The following ADGRB3 variants were observed in gnomAD, a reference collection of about 807,000 sequenced individuals.
The protein encoded by ADGRB3 is brain-specific angiogenesis inhibitor 3.
A neutral mutation model predicts 193.4 loss-of-function variants in ADGRB3; 37 were observed. The ratio of observed to expected loss-of-function variants is 0.19; its 90% CI spans 0.15 to 0.25. The LOEUF (loss-of-function observed/expected upper bound fraction) is 0.25. Among genes scored for constraint, ADGRB3 ranks in the 10% least tolerant of loss-of-function variants. The probability of loss-of-function intolerance (pLI) is 1.00; values close to 1 mark genes in which losing one functional copy is unlikely to be tolerated. For missense variants in ADGRB3, 1,637 were observed against 1,852.9 expected (o/e 0.88, Z 2.14); for synonymous variants, 690 against 644.2 (o/e 1.07, Z -1.08).
intron 8 of ADGRB3, among the ~76,000 whole-genome samples, chr6:68,972,960 G>T (rs1768630578): frequency 6.6e-6 from 1 of 152,184 alleles, no homozygotes; most frequent in African/African-American, 2.4e-5. Context: ...TAGATCATTG[G>T]TAAGGTTAGG....
At chr6:69,202,519 A>C (rs1377373697) in intron 17 of ADGRB3, among the ~76,000 whole-genome samples, 1 of 152,128 alleles carries the variant, frequency 6.6e-6, no homozygotes, top group Non-Finnish European at 1.5e-5. Flanking sequence ...AAATTGTCCT[A>C]TAAACCACAA....
At chr6:69,327,946 C>A (rs373243594) in intron 22 of ADGRB3, 57 bp downstream of exon 22, 78 of 1,486,180 alleles carry the variant, frequency 5.2e-5, no homozygotes, top group East Asian at 9.4e-5. Flanking sequence ...ATCAAAGAGT[C>A]TTGGTTGGCA....
intron 3 of ADGRB3, among the ~76,000 whole-genome samples, chr6:68,644,201 T>G (rs1768151377): frequency 6.6e-6 from 1 of 152,108 alleles, no homozygotes. Flanking sequence ...ACCTTTTACT[T>G]ACACCTTTAT....
At chr6:68,893,732 A>G (rs1766144512) in intron 3 of ADGRB3, among the ~76,000 whole-genome samples, 2 of 152,022 alleles carry the variant, frequency 1.3e-5, no homozygotes, top group African/African-American at 2.4e-5. Context: ...ATTTCCAAAT[A>G]TAAGTTAAAA....
At position 69,389,059 on chromosome 6, in the gene ADGRB3, TGGA is replaced by T; in HGVS notation, c.*170_*172del. 4 of 626,518 alleles carry T rather than the reference TGGA, an allele frequency of 6.4e-6. No homozygotes were observed. Among genetic ancestry groups the T allele is most frequent in the Non-Finnish European group, 1.1e-5 (4 of 373,800 alleles). 38.8% of individuals were successfully genotyped at this position (626,518 alleles called of 1,614,324 possible). On this transcript the variant is annotated 3_prime_UTR_variant, in exon 32 of 32. Coordinates refer to ENST00000370598, the MANE Select transcript of ADGRB3 (RefSeq NM_001704.3). ...GGTAACTTCTCACTAGTCAGGCTAG[TGGA>T]GAGATGACCAGGTGTACAGTTCTGA...
At chr6:68,949,373 A>G (rs1187183393) in intron 6 of ADGRB3, among the ~76,000 whole-genome samples, 3 of 151,562 alleles carry the variant, frequency 2.0e-5, no homozygotes, top group Admixed American at 6.6e-5. Flanking sequence ...GATTCCAGAT[A>G]TATTTCCTAC....
At chr6:69,179,277 A>G (rs1775517398) in intron 17 of ADGRB3, among the ~76,000 whole-genome samples, 1 of 152,132 alleles carries the variant, frequency 6.6e-6, no homozygotes, top group African/African-American at 2.4e-5. Context: ...GGCCCAGTCT[A>G]TTGATAAAGC....
intron 20 of ADGRB3, among the ~76,000 whole-genome samples, chr6:69,244,274 T>A (rs1197034306): frequency 6.6e-6 from 1 of 152,090 alleles, no homozygotes; most frequent in East Asian, 1.9e-4. Context: ...GTTATATTTT[T>A]GTTCTGTAGT....
intron 13 of ADGRB3, among the ~76,000 whole-genome samples, chr6:69,031,440 C>CAAAA (rs540284027): frequency 1.2e-4 from 14 of 118,478 alleles, no homozygotes; most frequent in African/African-American, 3.6e-4. Context: ...GACTCCATCT[C>CAAAA]AAAAAAAAAA....
chr6:69,092,559 G>C (rs1426220559), intron 17 of ADGRB3, among the ~76,000 whole-genome samples: 1 of 152,146 alleles, frequency 6.6e-6, no homozygotes, highest in African/African-American at 2.4e-5. Flanking sequence ...TAAGCAACAT[G>C]TGTGAAAAAG....
rs199542350 is a variant in ADGRB3, at chr6:69,134,085, G to GT, written c.2480+58049dup. ...CCTCATTTTCTTTATCCATTCATTGGTTGATGAGCATTTTGGCTGGTTTCA... is the reference window on the plus strand; with the variant it reads ...CCTCATTTTCTTTATCCATTCATTGGTTTGATGAGCATTTTGGCTGGTTTCA... On this transcript the variant is annotated intron_variant, in intron 17 of 31. Transcript: ENST00000370598. Among the ~76,000 whole-genome samples the GT allele has an allele frequency of 4.5e-3, 687 of 152,018 alleles. 31 individuals carry two copies. Among genetic ancestry groups the GT allele is most frequent in the Admixed American group, 0.041 (624 of 15,240 alleles).
At chr6:68,926,861 G>C (rs1462842562) in intron 3 of ADGRB3, among the ~76,000 whole-genome samples, 3 of 152,040 alleles carry the variant, frequency 2.0e-5, no homozygotes, top group Non-Finnish European at 2.9e-5. Context: ...AAGTCTATTT[G>C]TTTTTTAATG....
intron 3 of ADGRB3, among the ~76,000 whole-genome samples, chr6:68,676,389 C>CAAAAAAA (rs70987431): frequency 5.8e-4 from 49 of 84,566 alleles, no homozygotes; most frequent in African/African-American, 1.3e-3. Context: ...GACTCTGTCT[C>CAAAAAAA]AAAAAAAAAA....
chr6:68,712,211 T>C (rs889601709), intron 3 of ADGRB3, among the ~76,000 whole-genome samples: 2 of 151,968 alleles, frequency 1.3e-5, no homozygotes, highest in African/African-American at 4.8e-5. Flanking sequence ...ATTTTGCAAC[T>C]TATCTGAGTT....
At chr6:69,379,526 G>A (rs1015535452) in intron 30 of ADGRB3, among the ~76,000 whole-genome samples, 9 of 151,924 alleles carry the variant, frequency 5.9e-5, no homozygotes, top group African/African-American at 2.2e-4. Context: ...AAACTAAAAC[G>A]ACACCTAAGT....
Position 69,388,923 on chromosome 6 carries a change from A to G in ADGRB3, c.*32A>G, listed in dbSNP as rs1424480323. Reference sequence around the variant, plus strand: ...CAAAATGGACTAAGGTAGAGACAAAACTTTATTGCACTGACACTTAAGACT... The same window carrying G: ...CAAAATGGACTAAGGTAGAGACAAAGCTTTATTGCACTGACACTTAAGACT... On this transcript the variant is annotated 3_prime_UTR_variant, in exon 32 of 32. Transcript: ENST00000370598. 1.9e-6 allele frequency: 3 copies of G among 1,580,110 alleles called. No homozygotes were observed. Among genetic ancestry groups the G allele is most frequent in the Non-Finnish European group, 1.7e-6 (2 of 1,161,198 alleles).
chr6:69,360,115 C>T (rs980279191), intron 28 of ADGRB3, among the ~76,000 whole-genome samples: 2 of 151,484 alleles, frequency 1.3e-5, no homozygotes, highest in Admixed American at 6.6e-5. Context: ...ATTTTTTTCC[C>T]TAAATCATTA....
chr6:68,789,497 G>A (rs1767054229), intron 3 of ADGRB3, among the ~76,000 whole-genome samples: 1 of 152,198 alleles, frequency 6.6e-6, no homozygotes, highest in Non-Finnish European at 1.5e-5. Context: ...CACTCTTCTG[G>A]CTTGTAGAGT....
At chr6:68,777,199 T>A (rs1337858400) in intron 3 of ADGRB3, among the ~76,000 whole-genome samples, 1 of 152,148 alleles carries the variant, frequency 6.6e-6, no homozygotes, top group Non-Finnish European at 1.5e-5. Context: ...TAAGTGTGTG[T>A]TCTTGTCTCT....
Sources: allele counts gnomAD v4.1 joint callset (sites outside exome capture counted in the v4.1 genomes callset), GRCh38; gene constraint gnomAD v4.1.1; transcripts MANE v1.5; gene names NCBI Gene and HGNC (gene_info 2026-07-23, HGNC 2026-07-21).